Variants in GLO1 observed in about 807,000 individuals in gnomAD.
The protein encoded by GLO1 is lactoylglutathione lyase.
In GLO1, 28 loss-of-function variants were observed where a neutral mutation model predicts 26.0. The observed-to-expected ratio is 1.08, with a 90% CI of 0.80 to 1.48. GLO1 has a LOEUF of 1.48. Among genes scored for constraint, GLO1 ranks in the 40% most tolerant of loss-of-function variants. The probability of loss-of-function intolerance (pLI) is 0.00; values close to 1 mark genes in which losing one functional copy is unlikely to be tolerated. For synonymous variants in GLO1, 78 were observed against 77.6 expected (o/e 1.00, Z -0.03); for missense variants, 225 against 224.8 (o/e 1.00, Z -0.01).
intron 1 of GLO1, chr6:38,687,217 G>T: frequency 2.5e-6 from 1 of 400,854 alleles, no homozygotes. Flanking sequence ...TGGCATCCCT[G>T]TCCCTTGGTG....
At position 38,676,886 on chromosome 6, in the gene GLO1, C is replaced by CGAAAAAA. The variant is rs1761254091; in HGVS notation, c.*408_*409insTTTTTTC. ...AAGAACACTAGTGTTCTTTCCTTTC[C>CGAAAAAA]GTTGTGAAAAAAGTTGTTTCTGAGG... is the stretch of plus-strand genomic sequence containing the variant. On this transcript the variant is annotated 3_prime_UTR_variant, in exon 6 of 6. Transcript: ENST00000373365. The CGAAAAAA allele has an allele frequency of 1.8e-5, 3 of 165,854 alleles. No individual in the cohort carries two copies. The East Asian group carries it at 5.5e-4, about 30-fold the overall frequency. The allele number at this position is 165,854 out of a possible 1,614,324, so 10.3% of individuals were successfully genotyped here.
chr6:38,683,822 G>C (rs1286411899), intron 3 of GLO1, among the ~76,000 whole-genome samples: 1 of 152,072 alleles, frequency 6.6e-6, no homozygotes, highest in Non-Finnish European at 1.5e-5. Context: ...GGGAGGCAGA[G>C]CTTGCAGTGA....
chr6:38,682,571 T>C (rs1434619916), intron 4 of GLO1, among the ~76,000 whole-genome samples: 2 of 152,112 alleles, frequency 1.3e-5, no homozygotes, highest in East Asian at 1.9e-4. Context: ...TGGAAATTAA[T>C]TCTGAGACTT....
At chr6:38,691,369 G>A (rs1234773659) in intron 1 of GLO1, among the ~76,000 whole-genome samples, 1 of 151,704 alleles carries the variant, frequency 6.6e-6, no homozygotes, top group Admixed American at 6.6e-5. Context: ...GTGCAGTGGC[G>A]CAATCTTGGC....
At chr6:38,697,138 C>A (rs1432777048) in intron 1 of GLO1, among the ~76,000 whole-genome samples, 1 of 152,148 alleles carries the variant, frequency 6.6e-6, no homozygotes, top group Admixed American at 6.5e-5. Context: ...TGGTCTCGAA[C>A]TCCTGACCTC....
At chr6:38,699,119 C>G (rs1296094184) in intron 1 of GLO1, among the ~76,000 whole-genome samples, 1 of 152,204 alleles carries the variant, frequency 6.6e-6, no homozygotes, top group Non-Finnish European at 1.5e-5. Context: ...TCTCCAGTAC[C>G]TGCCCTGCAT....
chr6:38,682,972 CT>C, intron 3 of GLO1, 97 bp from the exon 4 acceptor site: 2 of 771,548 alleles, frequency 2.6e-6, no homozygotes, highest in Non-Finnish European at 4.6e-6. Flanking sequence ...TTATATGCTA[CT>C]TTACATAATT....
chr6:38,685,526 G>A (rs1761450411), intron 2 of GLO1, among the ~76,000 whole-genome samples: 1 of 152,106 alleles, frequency 6.6e-6, no homozygotes, highest in South Asian at 2.1e-4. Flanking sequence ...ATAGCAAATG[G>A]AAAGTTTCTA....
chr6:38,690,563 A>C (rs1485817319), intron 1 of GLO1, among the ~76,000 whole-genome samples: 1 of 103,448 alleles, frequency 9.7e-6, no homozygotes, highest in Non-Finnish European at 2.7e-5. Flanking sequence ...ACACACACAC[A>C]TGCATATGAA....
chr6:38,693,695 A>C (rs865794810), intron 1 of GLO1, among the ~76,000 whole-genome samples: 219 of 137,744 alleles, frequency 1.6e-3, no homozygotes, highest in Non-Finnish European at 2.3e-3. Context: ...CTATATATAT[A>C]TATATATATA....
chr6:38,682,118 C>CG lies in GLO1; in HGVS notation c.377-18dup, dbSNP rs780086535. On this transcript the variant is annotated splice_polypyrimidine_tract_variant and intron_variant, in intron 4 of 5. Transcript: ENST00000373365. Reference sequence around the variant, plus strand: ...CAATATGACCTTACGTGATACCCCCCGAAAAAAGCAGAGAGAAGGAAGAAA... The same window carrying CG: ...CAATATGACCTTACGTGATACCCCCCGGAAAAAAGCAGAGAGAAGGAAGAAA... 3.7e-5 allele frequency: 50 copies of CG among 1,342,052 alleles called. No homozygotes were observed. Among genetic ancestry groups the CG allele is most frequent in the Non-Finnish European group, 2.0e-5 (19 of 933,008 alleles). The allele number at this position is 1,342,052 out of a possible 1,614,324, so 83.1% of individuals were successfully genotyped here.
chr6:38,681,955 G>T (rs939837179), intron 5 of GLO1, 57 bp downstream of exon 5: 16 of 863,058 alleles, frequency 1.9e-5, no homozygotes, highest in Non-Finnish European at 3.2e-5. Context: ...GGCCTCTGTA[G>T]GTGGTTAGTA....
intron 1 of GLO1, among the ~76,000 whole-genome samples, chr6:38,700,644 T>C (rs917579498): frequency 4.6e-5 from 7 of 152,210 alleles, no homozygotes; most frequent in African/African-American, 1.7e-4. Flanking sequence ...CCCAGGTCCA[T>C]TGTATATTAG....
At chr6:38,687,196 G>T in intron 1 of GLO1, 2 of 645,070 alleles carry the variant, frequency 3.1e-6, no homozygotes, top group Non-Finnish European at 1.9e-6. Context: ...ACCAATGGTC[G>T]ATAAAAAACC....
chr6:38,686,223 ATTAC>A (rs1761458235), intron 2 of GLO1, among the ~76,000 whole-genome samples: 1 of 152,224 alleles, frequency 6.6e-6, no homozygotes, highest in Non-Finnish European at 1.5e-5. Flanking sequence ...ATAGACATAT[ATTAC>A]TTAAATTTTT....
chr6:38,697,188 C>T (rs1230835460), intron 1 of GLO1, among the ~76,000 whole-genome samples: 1 of 152,180 alleles, frequency 6.6e-6, no homozygotes, highest in Non-Finnish European at 1.5e-5. Context: ...GCTGGGATTA[C>T]AGACGTGAGC....
intron 3 of GLO1, chr6:38,683,079 C>T (rs1373477218): frequency 1.9e-6 from 1 of 532,122 alleles, no homozygotes; most frequent in African/African-American, 1.9e-5. Context: ...ACAGTAAATA[C>T]AGGTACTGGA....
chr6:38,699,840 A>G (rs1321262578), intron 1 of GLO1, among the ~76,000 whole-genome samples: 5 of 152,198 alleles, frequency 3.3e-5, no homozygotes, highest in Non-Finnish European at 7.3e-5. Flanking sequence ...ACTGCTGAAC[A>G]TAGACCCTTA....
At chr6:38,693,685 C>CTCTCTCTATATATATA (rs869232489) in intron 1 of GLO1, among the ~76,000 whole-genome samples, 90 of 86,412 alleles carry the variant, frequency 1.0e-3, no homozygotes, top group East Asian at 2.7e-3. Context: ...CTCTCTCTCT[C>CTCTCTCTATATATATA]TATATATATA....
Sources: gnomAD v4.1 joint callset for allele counts (sites outside exome capture counted in the v4.1 genomes callset) on GRCh38, gnomAD v4.1.1 for gene constraint, MANE v1.5 for transcripts, NCBI Gene and HGNC (gene_info 2026-07-23, HGNC 2026-07-21) for gene names.